ALOX15B: variants seen among roughly 807,000 people sequenced by gnomAD.
ALOX15B encodes polyunsaturated fatty acid lipoxygenase ALOX15B.
A neutral mutation model predicts 73.8 loss-of-function variants in ALOX15B; 74 were observed. That is an observed-to-expected ratio of 1.00 (90% confidence interval 0.83 to 1.22). The LOEUF is 1.22. Ranked by LOEUF, ALOX15B falls within the 50% of genes most tolerant of loss-of-function variation. ALOX15B has a pLI of 0.00. For synonymous variants in ALOX15B, 353 were observed against 357.2 expected, an observed-to-expected ratio of 0.99 and a Z score of 0.13; for missense variants, 896 against 859.9, an observed-to-expected ratio of 1.04 and a Z score of -0.52.
intron 6 of ALOX15B, 116 bp downstream of exon 6, chr17:8,045,117 G>C (rs974398496): frequency 6.3e-7 from 1 of 1,585,636 alleles, no homozygotes; most frequent in South Asian, 1.1e-5. Flanking sequence ...CGCGTGCTGC[G>C]TGCCAAGCAC....
chr17:8,044,867 G>A lies in ALOX15B; in HGVS notation c.715G>A (p.Ala239Thr), dbSNP rs375708086. The A allele has an allele frequency of 2.4e-5, 38 of 1,611,510 alleles. No homozygotes were observed. In the African/African-American group the frequency reaches 2.4e-4, roughly 10 times the overall value. The change falls in exon 6 of 14, where the codon GCC becomes ACC. Residue 239 changes from alanine (A) to threonine (T), a missense_variant. By Grantham distance (58) the Ala-to-Thr change is moderately conservative. Transcript: ENST00000380183. ...GCACTGGCAGGAGGACGCCTTCTTC[G>A]CCTCCCAGTTCCTGAATGGTCTCAA... is the stretch of plus-strand genomic sequence containing the variant. ...FEHWQEDAFF[A>T]SQFLNGLNPV... is the part of the protein sequence containing the mutation.
At chr17:8,044,036 T>G (rs1240201093) in intron 5 of ALOX15B, among the ~76,000 whole-genome samples, 1 of 147,026 alleles carries the variant, frequency 6.8e-6, no homozygotes, top group Non-Finnish European at 1.5e-5. Context: ...CCCACTGCAT[T>G]CCAGCCCGGG....
intron 5 of ALOX15B, among the ~76,000 whole-genome samples, chr17:8,043,324 T>C (rs552280433): frequency 6.6e-6 from 1 of 152,294 alleles, no homozygotes; most frequent in East Asian, 1.9e-4. Flanking sequence ...CAAAGTTCAG[T>C]AGGCCTTAGC....
intron 5 of ALOX15B, among the ~76,000 whole-genome samples, chr17:8,044,151 G>GGAAGGAAGGAAAGAAA (rs796365678): frequency 3.5e-5 from 4 of 114,698 alleles, no homozygotes; most frequent in Admixed American, 8.5e-5. Context: ...AAGGAAGGAA[G>GGAAGGAAGGAAAGAAA]GAAAGAAAGA....
At position 8,046,728 on chromosome 17, in the gene ALOX15B, A is replaced by C. The variant is rs770208717; in HGVS notation, c.1261A>C (p.Ile421Leu). The C allele has an allele frequency of 6.2e-7, 1 of 1,613,956 alleles. No homozygotes were observed. The highest frequency in any genetic ancestry group is 1.1e-5 in the South Asian group (1 of 91,000). The change falls in exon 9 of 14, where the codon ATC (isoleucine) becomes CTC (leucine). Residue 421 changes from isoleucine to leucine, a missense_variant. By Grantham distance (5) the Ile-to-Leu change is conservative. Coordinates refer to ENST00000380183, the MANE Select transcript of ALOX15B (RefSeq NM_001141.3). ...HINTLARELL[I>L]VPGQVVDRST... is the part of the protein sequence containing the mutation. Reference sequence around the variant, plus strand: ...CAACACACTCGCCCGGGAGCTGCTTATCGTGCCAGGGCAGGTGGTGGACAG... The same window carrying C: ...CAACACACTCGCCCGGGAGCTGCTTCTCGTGCCAGGGCAGGTGGTGGACAG...
At chr17:8,047,430 C>T in intron 11 of ALOX15B, 51 bp downstream of exon 11, 1 of 1,607,156 alleles carries the variant, frequency 6.2e-7, no homozygotes, top group Non-Finnish European at 8.5e-7. Flanking sequence ...ATCCCCGTGT[C>T]CCCCACCCCC....
At chr17:8,040,271 G>A (rs192834635) in intron 3 of ALOX15B, among the ~76,000 whole-genome samples, 8 of 152,226 alleles carry the variant, frequency 5.3e-5, no homozygotes, top group Admixed American at 2.6e-4. Context: ...GCCAGGTGCC[G>A]TGGTGGCTCA....
intron 13 of ALOX15B, 56 bp from the exon 14 acceptor site, chr17:8,048,330 G>A (rs1164804101): frequency 1.3e-6 from 2 of 1,560,752 alleles, no homozygotes; most frequent in Admixed American, 1.8e-5. Context: ...GGGACCAGGA[G>A]TCTGGGATGC....
chr17:8,045,521 GC>G lies in ALOX15B; in HGVS notation c.1038del (p.Thr347LeufsTer56). ...TPGPNSPIFL[P>X]TDDKWDWLLA... ...CCGGCCCAAACAGCCCCATCTTCCT[GC>G]CCACTGATGACAAGTGGGACTGGTT... On this transcript the variant is annotated frameshift_variant, in exon 8 of 14. Transcript: ENST00000380183. LOFTEE classifies it high-confidence loss of function. 6.2e-7 allele frequency: 1 copy of G among 1,614,112 alleles called. No individual in the cohort carries two copies. Among genetic ancestry groups the G allele is most frequent in the Non-Finnish European group, 8.5e-7 (1 of 1,180,014 alleles).
Position 8,039,164 on chromosome 17 carries a change from G to A in ALOX15B, c.9G>A (p.Glu3=). 6.2e-7 allele frequency: 1 copy of A among 1,613,214 alleles called. No homozygotes were observed. The highest frequency in any genetic ancestry group is 1.1e-5 in the South Asian group (1 of 90,906). The stretch of plus-strand genomic sequence containing the variant: ...GGACTTAGGCTGGCAGCATGGCCGA[G>A]TTCAGGGTCAGGGTGTCCACCGGAG... The part of the protein sequence containing the change: MA[E]FRVRVSTGEA... Residue 3 remains glutamate, a synonymous_variant, in exon 1 of 14, where the codon GAG becomes GAA. Coordinates refer to ENST00000380183, the MANE Select transcript of ALOX15B (RefSeq NM_001141.3).
intron 3 of ALOX15B, 34 bp from the exon 4 acceptor site, chr17:8,042,335 C>T: frequency 1.9e-6 from 3 of 1,610,714 alleles, no homozygotes; most frequent in Non-Finnish European, 2.5e-6. Context: ...TCCCTGAGGC[C>T]TCTTGCTGAC....
At position 8,044,897 on chromosome 17, in the gene ALOX15B, G is replaced by A. The variant is rs771343490; in HGVS notation, c.745G>A (p.Val249Ile). Residue 249 changes from valine to isoleucine, a missense_variant, in exon 6 of 14, where the codon GTC (valine) becomes ATC (isoleucine). Coordinates refer to ENST00000380183, the MANE Select transcript of ALOX15B (RefSeq NM_001141.3). ...CCAGTTCCTGAATGGTCTCAACCCT[G>A]TCCTGATCCGCCGCTGTCACTACCT... ...ASQFLNGLNP[V>I]LIRRCHYLPK... The A allele has an allele frequency of 7.4e-6, 12 of 1,613,976 alleles. No individual in the cohort carries two copies. In the South Asian group the frequency reaches 1.3e-4, roughly 18 times the overall value.
chr17:8,041,385 GT>G (rs1256030752), intron 3 of ALOX15B, among the ~76,000 whole-genome samples: 2 of 152,212 alleles, frequency 1.3e-5, no homozygotes, highest in African/African-American at 4.8e-5. Context: ...TGTTGTTCCT[GT>G]CTTTCAGTTC....
rs1407512161 is a variant in ALOX15B, at chr17:8,048,244, G to C, written c.1852-142G>C. ...GGAGGGACATGGATCAGGCCCCATC[G>C]AGGGCTACTTCAGGTCCCACACTTG... On this transcript the variant is annotated intron_variant, in intron 13 of 13. Coordinates refer to ENST00000380183, the MANE Select transcript of ALOX15B (RefSeq NM_001141.3). 5 of 991,878 alleles carry C rather than the reference G, an allele frequency of 5.0e-6. No individual in the cohort carries two copies. The African/African-American group carries it at 8.2e-5, about 16-fold the overall frequency. 61.4% of individuals were successfully genotyped at this position (991,878 alleles called of 1,614,324 possible). A position where few individuals can be genotyped will look rare whatever the true frequency, so the allele number is the denominator to read the frequency against.
At chr17:8,041,192 C>T (rs939850636) in intron 3 of ALOX15B, among the ~76,000 whole-genome samples, 1 of 152,182 alleles carries the variant, frequency 6.6e-6, no homozygotes, top group African/African-American at 2.4e-5. Context: ...CCAGAGTCAG[C>T]CTAGGCCCTG....
In ALOX15B at chr17:8,047,612, C is replaced by T. The variant is rs746824298; in HGVS notation, c.1628C>T (p.Thr543Ile). The change falls in exon 12 of 14, where the codon ACC becomes ATC. Residue 543 changes from threonine (T) to isoleucine (I), a missense_variant. Physicochemically the swap from Thr to Ile is moderately conservative, Grantham distance 89 (BLOSUM62 -1). Transcript: ENST00000380183. ...CGGGAAGCCCTGGTGCAGTATGTCA[C>T]CATGGTGATATTCACCTGCTCCGCC... ...ETREALVQYV[T>I]MVIFTCSAKH... 1.2e-6 allele frequency: 2 copies of T among 1,611,246 alleles called. No homozygotes were observed. The highest frequency in any genetic ancestry group is 1.3e-5 in the African/African-American group (1 of 74,894).
intron 3 of ALOX15B, among the ~76,000 whole-genome samples, chr17:8,040,304 G>A (rs1230745491): frequency 6.6e-6 from 1 of 152,016 alleles, no homozygotes; most frequent in Non-Finnish European, 1.5e-5. Flanking sequence ...CAGCACTTTG[G>A]GAGGCTGAGG....
chr17:8,046,121 A>T (rs4611520), intron 8 of ALOX15B, among the ~76,000 whole-genome samples: 4,733 of 152,268 alleles, frequency 0.031, 152 homozygotes, highest in East Asian at 0.15. Flanking sequence ...GATTCGAGGC[A>T]TCTCCTCTGT....
chr17:8,043,294 G>A (rs549022647), intron 5 of ALOX15B, among the ~76,000 whole-genome samples: 2 of 152,146 alleles, frequency 1.3e-5, no homozygotes, highest in Non-Finnish European at 1.5e-5. Flanking sequence ...CTCCCAAGGG[G>A]GTGAACTATG....
Sources: allele counts gnomAD v4.1 joint callset (sites outside exome capture counted in the v4.1 genomes callset), GRCh38; gene constraint gnomAD v4.1.1; transcripts MANE v1.5; gene names NCBI Gene and HGNC (gene_info 2026-07-23, HGNC 2026-07-21).